The following USP15 variants were observed in gnomAD, a reference collection of about 807,000 sequenced individuals.
USP15 encodes the protein ubiquitin specific peptidase 15, also known as ubiquitin carboxyl-terminal hydrolase 15.
Under a neutral mutation model 127.1 loss-of-function variants are expected in USP15, and 18 were observed. That is an observed-to-expected ratio of 0.14 (90% confidence interval 0.10 to 0.21). USP15 has a LOEUF of 0.21. Among genes scored for constraint, USP15 ranks in the 10% least tolerant of loss-of-function variants. USP15 has a pLI of 1.00. For synonymous variants in USP15, 364 were observed against 393.7 expected, an observed-to-expected ratio of 0.92 and a Z score of 0.89; for missense variants, 805 against 1,159.9, an observed-to-expected ratio of 0.69 and a Z score of 4.44.
chr12:62,347,370 A>T (rs538359034), intron 6 of USP15, among the ~76,000 whole-genome samples: 1 of 151,032 alleles, frequency 6.6e-6, no homozygotes, highest in East Asian at 1.9e-4. Context: ...TACACTGTGC[A>T]TATATATTAT....
intron 1 of USP15, among the ~76,000 whole-genome samples, chr12:62,270,540 A>T (rs1343644254): frequency 6.6e-6 from 1 of 152,056 alleles, no homozygotes; most frequent in Non-Finnish European, 1.5e-5. Context: ...TTTTTTGTGT[A>T]TATGGTCAGG....
At chr12:62,304,089 CT>C (rs532730730) in intron 3 of USP15, among the ~76,000 whole-genome samples, 2 of 151,898 alleles carry the variant, frequency 1.3e-5, no homozygotes, top group African/African-American at 4.8e-5. Flanking sequence ...TAATGATACA[CT>C]TTTTTTTCTT....
At chr12:62,304,763 G>T in intron 3 of USP15, 1 of 440,292 alleles carries the variant, frequency 2.3e-6, no homozygotes, top group Non-Finnish European at 4.6e-6. Flanking sequence ...GCAGACAATA[G>T]AAACAGACCC....
intron 6 of USP15, chr12:62,335,918 C>T (rs1033685739): frequency 2.0e-6 from 2 of 985,296 alleles, no homozygotes; most frequent in Non-Finnish European, 2.4e-6. Flanking sequence ...GACTTTGCCT[C>T]TCTGACCAGT....
At chr12:62,386,510 G>A (rs148028807) in intron 11 of USP15, among the ~76,000 whole-genome samples, 1 of 151,988 alleles carries the variant, frequency 6.6e-6, no homozygotes, top group Non-Finnish European at 1.5e-5. Context: ...ACCCAAACTG[G>A]TTATGAGGCC....
intron 1 of USP15, among the ~76,000 whole-genome samples, chr12:62,266,087 G>A (rs2063185391): frequency 6.6e-6 from 1 of 152,266 alleles, no homozygotes; most frequent in African/African-American, 2.4e-5. Context: ...AATGTACAGA[G>A]CAAATGTCAT....
intron 19 of USP15, among the ~76,000 whole-genome samples, chr12:62,395,688 CT>C (rs1555223670): frequency 6.6e-6 from 1 of 151,500 alleles, no homozygotes; most frequent in Non-Finnish European, 1.5e-5. Context: ...TCCTTCTACT[CT>C]GTCTGTCTAT....
intron 1 of USP15, among the ~76,000 whole-genome samples, chr12:62,287,353 T>C (rs921802358): frequency 1.6e-4 from 25 of 152,190 alleles, no homozygotes; most frequent in African/African-American, 6.0e-4. Flanking sequence ...TTAAAACGAA[T>C]TTATGATATA....
intron 1 of USP15, among the ~76,000 whole-genome samples, chr12:62,283,839 G>A (rs2063720665): frequency 6.6e-6 from 1 of 152,164 alleles, no homozygotes; most frequent in Non-Finnish European, 1.5e-5. Context: ...CTACTCTGGA[G>A]GCTGAGGCAC....
rs114041809 is a variant in USP15, at chr12:62,285,276, A to G, written c.90-8903A>G. Among the ~76,000 whole-genome samples, 437 of 152,116 alleles carry G rather than the reference A, an allele frequency of 2.9e-3. 1 individual carries two copies. The highest frequency in any genetic ancestry group is 0.01 in the East Asian group (53 of 5,174). On this transcript the variant is annotated intron_variant, in intron 1 of 21. Transcript: ENST00000280377. ...TGCCTCCCACCCTTCTGAGTCTCCA[A>G]TGTCTGTTATTCACGCTCTATGTGT...
rs146962337 is a variant in USP15 at position 62,303,395 on chromosome 12, C to T, written c.348+475C>T. ...TCCTTTAACATTTTAAAATTGTAGTCTAGAAACATTAAGAATAACCAATTT... is the reference window on the plus strand; with the variant it reads ...TCCTTTAACATTTTAAAATTGTAGTTTAGAAACATTAAGAATAACCAATTT... On this transcript the variant is annotated intron_variant, in intron 3 of 21. Coordinates refer to ENST00000280377, the MANE Select transcript of USP15 (RefSeq NM_001252078.2). 415 of 152,450 alleles carry T rather than the reference C, an allele frequency of 2.7e-3. 5 individuals carry two copies. The highest frequency in any genetic ancestry group is 0.021 in the South Asian group (103 of 4,862). 9.4% of individuals were successfully genotyped at this position (152,450 alleles called of 1,614,324 possible).
chr12:62,286,272 G>GA (rs562687144), intron 1 of USP15, among the ~76,000 whole-genome samples: 60 of 152,180 alleles, frequency 3.9e-4, no homozygotes, highest in Non-Finnish European at 7.8e-4. Context: ...GCAAATGTAT[G>GA]AAAAAATGCA....
chr12:62,291,481 A>G (rs2063966843), intron 1 of USP15, among the ~76,000 whole-genome samples: 1 of 152,154 alleles, frequency 6.6e-6, no homozygotes, highest in Non-Finnish European at 1.5e-5. Flanking sequence ...GAGCTTCCTT[A>G]AAAATCAATA....
chr12:62,345,639 A>G (rs565735074), intron 6 of USP15, among the ~76,000 whole-genome samples: 26 of 152,160 alleles, frequency 1.7e-4, no homozygotes, highest in South Asian at 8.3e-4. Context: ...ACTGGTACCA[A>G]TTTACTCTTT....
chr12:62,293,202 A>G (rs907801106), intron 1 of USP15, among the ~76,000 whole-genome samples: 2 of 151,916 alleles, frequency 1.3e-5, no homozygotes, highest in African/African-American at 4.8e-5. Flanking sequence ...ACTCTCGCTT[A>G]CCCTTTCCGT....
chr12:62,345,746 G>A (rs2065796611), intron 6 of USP15, among the ~76,000 whole-genome samples: 1 of 152,138 alleles, frequency 6.6e-6, no homozygotes, highest in Non-Finnish European at 1.5e-5. Flanking sequence ...CGTTTCTGGG[G>A]TGGGGGGGCC....
intron 1 of USP15, among the ~76,000 whole-genome samples, chr12:62,270,300 C>A (rs2063319316): frequency 6.6e-6 from 1 of 151,990 alleles, no homozygotes; most frequent in Non-Finnish European, 1.5e-5. Context: ...ATTTTTCTCC[C>A]ATTCTGTGGA....
intron 8 of USP15, among the ~76,000 whole-genome samples, chr12:62,374,110 T>A (rs1359757595): frequency 6.6e-6 from 1 of 152,008 alleles, no homozygotes; most frequent in Non-Finnish European, 1.5e-5. Context: ...TTCTTTTCCA[T>A]CTAACCTTAA....
intron 8 of USP15, among the ~76,000 whole-genome samples, chr12:62,363,712 C>T (rs1484971373): frequency 6.6e-6 from 1 of 152,048 alleles, no homozygotes; most frequent in South Asian, 2.1e-4. Flanking sequence ...CTCTCTCCCT[C>T]TCTCCCTCTC....
Sources: gnomAD v4.1 joint callset for allele counts (sites outside exome capture counted in the v4.1 genomes callset) on GRCh38, gnomAD v4.1.1 for gene constraint, MANE v1.5 for transcripts, NCBI Gene and HGNC (gene_info 2026-07-23, HGNC 2026-07-21) for gene names.